The following ARL6IP6 variants were observed in gnomAD, a reference collection of about 807,000 sequenced individuals.
The protein encoded by ARL6IP6 is ARF like GTPase 6 interacting protein 6.
A neutral mutation model predicts 21.5 loss-of-function variants in ARL6IP6; 22 were observed. That is an observed-to-expected ratio of 1.02 (90% confidence interval 0.73 to 1.46). The LOEUF (loss-of-function observed/expected upper bound fraction) is 1.46. Ranked by LOEUF, ARL6IP6 falls within the 40% of genes most tolerant of loss-of-function variation. The pLI, the probability that ARL6IP6 is intolerant of heterozygous loss-of-function variation, is 0.00. For missense variants in ARL6IP6, 388 were observed against 299.8 expected (o/e 1.29, Z -2.17); for synonymous variants, 164 against 125.3 (o/e 1.31, Z -2.06).
At chr2:152,735,229 T>G in intron 3 of ARL6IP6, 103 bp downstream of exon 3, 13 of 1,303,526 alleles carry the variant, frequency 1.0e-5, no homozygotes, top group Non-Finnish European at 1.4e-5. Context: ...TGTTGAGGTT[T>G]CAGTCTTTAT....
At chr2:152,718,398 CT>C, upstream of ARL6IP6, 1 of 521,044 alleles carries the variant, frequency 1.9e-6, no homozygotes, top group Non-Finnish European at 3.0e-6. Flanking sequence ...TCCTGCTCCC[CT>C]TTCCGGCTAC....
At chr2:152,718,496 T>A, upstream of ARL6IP6, 1 of 1,343,796 alleles carries the variant, frequency 7.4e-7, no homozygotes, top group Non-Finnish European at 9.8e-7. Context: ...CCACCCTTGC[T>A]CTCCGTGGTT....
intron 3 of ARL6IP6, among the ~76,000 whole-genome samples, chr2:152,748,968 T>C (rs1333815481): frequency 6.6e-6 from 1 of 152,210 alleles, no homozygotes. Flanking sequence ...CTTTTTCTTT[T>C]TAAGGTAATT....
chr2:152,742,325 T>C (rs1409402868), intron 3 of ARL6IP6, among the ~76,000 whole-genome samples: 2 of 152,122 alleles, frequency 1.3e-5, no homozygotes, highest in African/African-American at 2.4e-5. Flanking sequence ...CGCAGCACTT[T>C]GGGAGGCCAA....
At chr2:152,731,834 A>G (rs1700328832) in intron 2 of ARL6IP6, among the ~76,000 whole-genome samples, 1 of 152,138 alleles carries the variant, frequency 6.6e-6, no homozygotes, top group Admixed American at 6.5e-5. Flanking sequence ...TATATACAAC[A>G]TATGTATATA....
intron 3 of ARL6IP6, among the ~76,000 whole-genome samples, chr2:152,756,563 G>A (rs887313001): frequency 1.3e-5 from 2 of 151,628 alleles, no homozygotes; most frequent in African/African-American, 2.4e-5. Flanking sequence ...TTTACAACAC[G>A]TATCTTTAAC....
At chr2:152,729,334 CTGTGTGTGTGTG>C (rs10604718) in intron 2 of ARL6IP6, among the ~76,000 whole-genome samples, 2 of 151,058 alleles carry the variant, frequency 1.3e-5, no homozygotes, top group South Asian at 2.1e-4. Context: ...CAGACTTTGT[CTGTGTGTGTGTG>C]TGTGTGTGTG....
At chr2:152,745,052 G>A (rs1336380139) in intron 3 of ARL6IP6, among the ~76,000 whole-genome samples, 1 of 152,140 alleles carries the variant, frequency 6.6e-6, no homozygotes, top group Non-Finnish European at 1.5e-5. Context: ...GTGAGAGTGT[G>A]TTGTTAACTG....
intron 3 of ARL6IP6, among the ~76,000 whole-genome samples, chr2:152,752,510 T>C (rs1000250326): frequency 6.6e-6 from 1 of 152,180 alleles, no homozygotes. Flanking sequence ...ACAAAATACA[T>C]GAACGAAGCA....
At chr2:152,725,183 A>G (rs1195364562) in intron 2 of ARL6IP6, among the ~76,000 whole-genome samples, 1 of 152,246 alleles carries the variant, frequency 6.6e-6, no homozygotes, top group East Asian at 1.9e-4. Flanking sequence ...TCTTGAAATT[A>G]CCACATTGGT....
intron 2 of ARL6IP6, among the ~76,000 whole-genome samples, chr2:152,731,837 T>C (rs943331381): frequency 6.6e-6 from 1 of 152,170 alleles, no homozygotes; most frequent in Non-Finnish European, 1.5e-5. Context: ...ATACAACATA[T>C]GTATATATGT....
upstream of ARL6IP6, chr2:152,718,463 CG>C: frequency 9.9e-7 from 1 of 1,014,210 alleles, no homozygotes; most frequent in Non-Finnish European, 1.3e-6. Flanking sequence ...TTTGGCCCTG[CG>C]GCTTCCTTTG....
chr2:152,718,510 C>G, upstream of ARL6IP6: 1 of 1,428,358 alleles, frequency 7.0e-7, no homozygotes, highest in East Asian at 2.5e-5. Context: ...CGTGGTTTAC[C>G]CCTGGGCTCT....
chr2:152,736,599 T>C (rs534835376), intron 3 of ARL6IP6, among the ~76,000 whole-genome samples: 1 of 152,316 alleles, frequency 6.6e-6, no homozygotes, highest in South Asian at 2.1e-4. Flanking sequence ...TTAAGGCTAG[T>C]GTACTTGACT....
intron 2 of ARL6IP6, among the ~76,000 whole-genome samples, chr2:152,728,234 G>C (rs763328691): frequency 6.6e-6 from 1 of 152,102 alleles, no homozygotes; most frequent in Non-Finnish European, 1.5e-5. Context: ...TCAAATGTCA[G>C]AATCTCTTAC....
At position 152,718,683 on chromosome 2, in the gene ARL6IP6, C is replaced by G. The variant is rs767438440; in HGVS notation, c.59C>G (p.Pro20Arg). 6.3e-7 allele frequency: 1 copy of G among 1,590,520 alleles called. No homozygotes were observed. Among genetic ancestry groups the G allele is most frequent in the South Asian group, 1.1e-5 (1 of 88,260 alleles). The change falls in exon 1 of 4, where the codon CCG becomes CGG. Residue 20 changes from proline (P) to arginine (R), a missense_variant. Physicochemically the swap from Pro to Arg is moderately radical, Grantham distance 103. Coordinates refer to ENST00000326446, the MANE Select transcript of ARL6IP6 (RefSeq NM_152522.7). ...SALRRRGPGT[P>R]GPVARPSYSS... Reference sequence around the variant, plus strand: ...CTGCGGCGCCGCGGTCCCGGCACCCCGGGCCCTGTGGCTCGGCCATCGTAT... The same window carrying G: ...CTGCGGCGCCGCGGTCCCGGCACCCGGGGCCCTGTGGCTCGGCCATCGTAT...
At chr2:152,729,469 G>A (rs1399541860) in intron 2 of ARL6IP6, among the ~76,000 whole-genome samples, 3 of 152,184 alleles carry the variant, frequency 2.0e-5, no homozygotes, top group Non-Finnish European at 4.4e-5. Flanking sequence ...TTTGGTAGCA[G>A]TTATTCTGGA....
At chr2:152,724,196 T>A (rs1278653102) in intron 2 of ARL6IP6, among the ~76,000 whole-genome samples, 1 of 151,934 alleles carries the variant, frequency 6.6e-6, no homozygotes, top group Non-Finnish European at 1.5e-5. Flanking sequence ...CCGAATTGAT[T>A]GGTTGTATTT....
Position 152,759,883 on chromosome 2 carries a change from T to TAA in ARL6IP6, c.*43_*44insAA. The TAA allele has an allele frequency of 6.6e-7, 1 of 1,509,050 alleles. No individual in the cohort carries two copies. The highest frequency in any genetic ancestry group is 9.2e-7 in the Non-Finnish European group (1 of 1,085,598). The allele number at this position is 1,509,050 out of a possible 1,614,324, so 93.5% of individuals were successfully genotyped here. A position where few individuals can be genotyped will look rare whatever the true frequency, so the allele number is the denominator to read the frequency against. On this transcript the variant is annotated 3_prime_UTR_variant, in exon 4 of 4. Transcript: ENST00000326446. ...ATTGTTGGCAAAACTTAATCATGAT[T>TAA]GTTTTGTAATAACAAGAAGGAGCAT... is the stretch of plus-strand genomic sequence containing the variant.
Sources: gnomAD v4.1 joint callset for allele counts (sites outside exome capture counted in the v4.1 genomes callset) on GRCh38, gnomAD v4.1.1 for gene constraint, MANE v1.5 for transcripts, NCBI Gene and HGNC (gene_info 2026-07-23, HGNC 2026-07-21) for gene names.